SULF1: variants seen among roughly 807,000 people sequenced by gnomAD.
The protein encoded by SULF1 is extracellular sulfatase Sulf-1.
SULF1 carries 46 observed loss-of-function variants against 110.5 expected under a neutral mutation model. The ratio of observed to expected loss-of-function variants is 0.42; its 90% CI spans 0.33 to 0.53. The LOEUF (loss-of-function observed/expected upper bound fraction) is 0.53. SULF1 is among the 20% of genes least tolerant of loss of function. The pLI, the probability that SULF1 is intolerant of heterozygous loss-of-function variation, is 0.12. For synonymous variants in SULF1, 371 were observed against 387.1 expected (o/e 0.96, Z 0.49); for missense variants, 941 against 1,094.2 (o/e 0.86, Z 1.98).
Position 69,659,146 on chromosome 8 carries a change from C to G in SULF1, c.*611C>G, listed in dbSNP as rs59068490. On this transcript the variant is annotated 3_prime_UTR_variant, in exon 23 of 23. Transcript: ENST00000402687. ...GGACATTTTTGAAGATCAACTATAT[C>G]TTCCTGTGCATTCCGATGGAATTTC... The G allele has an allele frequency of 3.2e-3, 1,452 of 456,752 alleles. 21 individuals are homozygous for G. Among genetic ancestry groups the G allele is most frequent in the African/African-American group, 0.027 (1,346 of 50,200 alleles). The allele number at this position is 456,752 out of a possible 1,614,324, so 28.3% of individuals were successfully genotyped here.
At chr8:69,620,021 C>T (rs1486031610) in intron 13 of SULF1, among the ~76,000 whole-genome samples, 1 of 152,150 alleles carries the variant, frequency 6.6e-6, no homozygotes, top group Non-Finnish European at 1.5e-5. Flanking sequence ...AATCAGGTCA[C>T]ACACGGGCTT....
upstream of SULF1, among the ~76,000 whole-genome samples, chr8:69,488,989 G>T (rs1809808635): frequency 6.6e-6 from 1 of 152,130 alleles, no homozygotes; most frequent in African/African-American, 2.4e-5. Context: ...GTGGAGTGAG[G>T]CTGGCCCAGC....
intron 3 of SULF1, among the ~76,000 whole-genome samples, chr8:69,515,003 T>C (rs1811825644): frequency 6.6e-6 from 1 of 152,188 alleles, no homozygotes; most frequent in South Asian, 2.1e-4. Context: ...ATTGAGTGCC[T>C]GTGGCTTTTG....
At chr8:69,539,474 A>T (rs1335573519) in intron 3 of SULF1, among the ~76,000 whole-genome samples, 1 of 152,244 alleles carries the variant, frequency 6.6e-6, no homozygotes, top group African/African-American at 2.4e-5. Flanking sequence ...TGTAGATATG[A>T]CTGCAAACAC....
intron 1 of SULF1, among the ~76,000 whole-genome samples, chr8:69,486,816 G>A (rs563483189): frequency 6.6e-6 from 1 of 152,226 alleles, no homozygotes; most frequent in African/African-American, 2.4e-5. Context: ...CAGAAAACAC[G>A]ACTGGTTATT....
At chr8:69,478,647 A>G (rs1809398911) in intron 1 of SULF1, among the ~76,000 whole-genome samples, 1 of 152,110 alleles carries the variant, frequency 6.6e-6, no homozygotes, top group African/African-American at 2.4e-5. Context: ...AACTCTTCCA[A>G]CCATCAATAA....
At chr8:69,608,987 G>C (rs576512956) in intron 13 of SULF1, among the ~76,000 whole-genome samples, 10 of 152,240 alleles carry the variant, frequency 6.6e-5, no homozygotes, top group Admixed American at 6.5e-4. Context: ...CTTTCTTAAA[G>C]CATGTTTGTT....
intron 3 of SULF1, among the ~76,000 whole-genome samples, chr8:69,555,625 C>T (rs1815061506): frequency 6.6e-6 from 1 of 151,730 alleles, no homozygotes; most frequent in Non-Finnish European, 1.5e-5. Flanking sequence ...CCACTGCACT[C>T]CAGCCTAGGC....
chr8:69,495,657 G>C (rs2150562017), intron 1 of SULF1, 108 bp from the exon 2 acceptor site: 1 of 152,334 alleles, frequency 6.6e-6, no homozygotes, highest in Admixed American at 6.5e-5. Flanking sequence ...AGAGACTTCA[G>C]AAATGAGCAG....
intron 19 of SULF1, among the ~76,000 whole-genome samples, chr8:69,635,443 C>A (rs1303260357): frequency 6.6e-6 from 1 of 152,174 alleles, no homozygotes; most frequent in African/African-American, 2.4e-5. Flanking sequence ...TCCCTCAAAA[C>A]CGCTCTAAAA....
chr8:69,585,287 A>T (rs1294840110), intron 6 of SULF1, among the ~76,000 whole-genome samples: 1 of 152,156 alleles, frequency 6.6e-6, no homozygotes, highest in Non-Finnish European at 1.5e-5. Flanking sequence ...GTGACTAAAC[A>T]TTTAGGTTTA....
chr8:69,555,000 A>AAAAC (rs1815008017), intron 3 of SULF1, among the ~76,000 whole-genome samples: 2 of 31,802 alleles, frequency 6.3e-5, no homozygotes, highest in African/African-American at 4.4e-4. Flanking sequence ...AAAAAAAAAC[A>AAAAC]AAAAAAAAAA....
At chr8:69,617,585 T>C (rs1809282693) in intron 13 of SULF1, among the ~76,000 whole-genome samples, 1 of 151,284 alleles carries the variant, frequency 6.6e-6, no homozygotes, top group Non-Finnish European at 1.5e-5. Context: ...ACTTTTTTGA[T>C]CATTTCTTGG....
chr8:69,530,637 C>T (rs528027277), intron 3 of SULF1, among the ~76,000 whole-genome samples: 32 of 152,242 alleles, frequency 2.1e-4, no homozygotes, highest in African/African-American at 7.5e-4. Context: ...TTTCCTCTAC[C>T]GTAGTAACCA....
chr8:69,588,316 C>A (rs1254847952), intron 7 of SULF1, among the ~76,000 whole-genome samples: 1 of 152,168 alleles, frequency 6.6e-6, no homozygotes, highest in African/African-American at 2.4e-5. Flanking sequence ...GTATAATCTG[C>A]AGGAAATCAA....
At chr8:69,641,803 G>A (rs1376900973) in intron 22 of SULF1, among the ~76,000 whole-genome samples, 1 of 151,786 alleles carries the variant, frequency 6.6e-6, no homozygotes, top group Non-Finnish European at 1.5e-5. Flanking sequence ...ACAGCACCAA[G>A]ACAACACACA....
chr8:69,584,655 A>G (rs988474181), intron 6 of SULF1: 3 of 152,214 alleles, frequency 2.0e-5, no homozygotes, highest in African/African-American at 7.2e-5. Context: ...TGCTCAGAAC[A>G]CTTATATTAG....
chr8:69,644,030 C>T (rs1051834813), intron 22 of SULF1, among the ~76,000 whole-genome samples: 1 of 152,186 alleles, frequency 6.6e-6, no homozygotes, highest in African/African-American at 2.4e-5. Flanking sequence ...TTCTTGGCAG[C>T]CTTCCTCTGG....
rs76680996 is a variant in SULF1 at position 69,577,056 on chromosome 8, C to T, written c.412+847C>T. On this transcript the variant is annotated intron_variant, in intron 6 of 22. Transcript: ENST00000402687. ...ATTTGCTTCTTTGCAGAGCGCCCTA[C>T]GGGCACTTAATACTTGTTATTTATG... 8.9e-3 allele frequency among the ~76,000 whole-genome samples: 1,362 copies of T among 152,304 alleles called. 16 individuals are homozygous for T. Among genetic ancestry groups the T allele is most frequent in the Middle Eastern group, 0.02 (6 of 294 alleles).
Sources: gnomAD v4.1 joint callset for allele counts (sites outside exome capture counted in the v4.1 genomes callset) on GRCh38, gnomAD v4.1.1 for gene constraint, MANE v1.5 for transcripts, NCBI Gene and HGNC (gene_info 2026-07-23, HGNC 2026-07-21) for gene names.